GPLD1: variants seen among roughly 807,000 people sequenced by gnomAD.
GPLD1 encodes phosphatidylinositol-glycan-specific phospholipase D.
Under a neutral mutation model 112.6 loss-of-function variants are expected in GPLD1, and 84 were observed. That is an observed-to-expected ratio of 0.75 (90% CI 0.63 to 0.89). GPLD1 has a LOEUF of 0.89. GPLD1 is among the 40% of genes least tolerant of loss of function. GPLD1 has a pLI of 0.00. For synonymous variants in GPLD1, 386 were observed against 403.8 expected, an observed-to-expected ratio of 0.96 and a Z score of 0.53; for missense variants, 1,044 against 1,051.5, an observed-to-expected ratio of 0.99 and a Z score of 0.10.
intron 3 of GPLD1, 73 bp downstream of exon 3, chr6:24,479,808 A>T (rs199784645): frequency 1.6e-5 from 12 of 763,478 alleles, no homozygotes; most frequent in Admixed American, 7.5e-5. Flanking sequence ...ATATATATAT[A>T]TTTTTAAAGT....
intron 12 of GPLD1, among the ~76,000 whole-genome samples, chr6:24,458,739 C>A (rs1409764828): frequency 3.9e-5 from 6 of 151,952 alleles, no homozygotes; most frequent in African/African-American, 1.5e-4. Flanking sequence ...AGTAGCTGGG[C>A]ATGGTGGCGG....
rs191319706 is a variant in GPLD1, at chr6:24,434,607, T to C, written c.2359-1218A>G. 2.4e-4 allele frequency among the ~76,000 whole-genome samples: 36 copies of C among 151,868 alleles called. No individual in the cohort carries two copies. The East Asian group carries it at 7.1e-3, about 30-fold the overall frequency. On this transcript the variant is annotated intron_variant, in intron 22 of 24. Transcript: ENST00000230036. The stretch of plus-strand genomic sequence containing the variant: ...AATTTTTTTATTTTAAGACAGGGTC[T>C]TGGGCGGATCACGAGGTCAGGAGAT...
At chr6:24,460,440 A>T in intron 11 of GPLD1, 41 bp from the exon 12 acceptor site, 6 of 1,604,116 alleles carry the variant, frequency 3.7e-6, no homozygotes, top group Non-Finnish European at 5.1e-6. Flanking sequence ...ACGACTGAGA[A>T]AACAACCCCC....
At chr6:24,439,937 G>A (rs966114722) in intron 20 of GPLD1, among the ~76,000 whole-genome samples, 3 of 152,084 alleles carry the variant, frequency 2.0e-5, no homozygotes, top group Non-Finnish European at 4.4e-5. Context: ...TTTCTGCCAC[G>A]AGCACTAGTC....
chr6:24,433,360 T>TAC lies in GPLD1; in HGVS notation c.2385+1_2385+2dup, dbSNP rs1554128633. 5 of 1,608,840 alleles carry TAC rather than the reference T, an allele frequency of 3.1e-6. No individual in the cohort carries two copies. Among genetic ancestry groups the TAC allele is most frequent in the East Asian group, 4.5e-5 (2 of 44,866 alleles). ...TTTCTTCAGTCTTTCAAGGGATACT[T>TAC]ACTTCAGGAGAAATCAATACATATT... On this transcript the variant is annotated splice_region_variant and intron_variant, in intron 23 of 24. Transcript: ENST00000230036.
intron 13 of GPLD1, among the ~76,000 whole-genome samples, 156 bp downstream of exon 13, chr6:24,456,342 A>G (rs1342538943): frequency 6.6e-6 from 1 of 152,208 alleles, no homozygotes; most frequent in Non-Finnish European, 1.5e-5. Context: ...GGTTGCAGTG[A>G]GCCAAGATCA....
chr6:24,424,439 C>CCCCTG (rs10690086), downstream of GPLD1: 38,815 of 146,962 alleles, frequency 0.26, 5,816 homozygotes, highest in East Asian at 0.62. Flanking sequence ...TTAGATACCA[C>CCCCTG]CCCTGCCCTG....
At position 24,471,556 on chromosome 6, in the gene GPLD1, C is replaced by G. The variant is rs1162935229; in HGVS notation, c.545+1026G>C. Among the ~76,000 whole-genome samples, 5 of 152,102 alleles carry G rather than the reference C, an allele frequency of 3.3e-5. No homozygotes were observed. In the East Asian group the frequency reaches 5.8e-4, roughly 18 times the overall value. Reference sequence around the variant, plus strand: ...AGACTATTGATAAATCATTCTGGGACAATCCATTATCTCCAGAGGAAAAAA... The same window carrying G: ...AGACTATTGATAAATCATTCTGGGAGAATCCATTATCTCCAGAGGAAAAAA... On this transcript the variant is annotated intron_variant, in intron 7 of 24. Transcript: ENST00000230036.
At chr6:24,443,463 T>G (rs1166257132) in intron 20 of GPLD1, among the ~76,000 whole-genome samples, 1 of 152,128 alleles carries the variant, frequency 6.6e-6, no homozygotes, top group Admixed American at 6.6e-5. Context: ...CAAATGCAGT[T>G]TGTCAGTTTG....
At position 24,450,488 on chromosome 6, in the gene GPLD1, G is replaced by A. The variant is rs553425512; in HGVS notation, c.1336-589C>T. Among the ~76,000 whole-genome samples the A allele has an allele frequency of 1.1e-3, 166 of 151,454 alleles. 1 individual carries two copies. Among genetic ancestry groups the A allele is most frequent in the African/African-American group, 3.8e-3 (158 of 41,282 alleles). ...TGCACTCCAGCCTAGGCAACACAGC[G>A]AGACTCCATCTCAAAAAAACAAACA... On this transcript the variant is annotated intron_variant, in intron 14 of 24. Transcript: ENST00000230036.
At chr6:24,436,540 T>C in intron 22 of GPLD1, 36 bp downstream of exon 22, 1 of 1,582,272 alleles carries the variant, frequency 6.3e-7, no homozygotes, top group Non-Finnish European at 8.7e-7. Flanking sequence ...TAGTGATCCT[T>C]TCCCAATAAG....
At chr6:24,451,982 A>AG (rs759791210) in intron 14 of GPLD1, among the ~76,000 whole-genome samples, 6 of 152,234 alleles carry the variant, frequency 3.9e-5, no homozygotes, top group Non-Finnish European at 4.4e-5. Flanking sequence ...ACTTTAAAGC[A>AG]GGCCAGGCCT....
Position 24,481,520 on chromosome 6 carries a change from G to A in GPLD1, c.154-1561C>T, listed in dbSNP as rs79316548. On this transcript the variant is annotated intron_variant, in intron 2 of 24. Transcript: ENST00000230036. The stretch of plus-strand genomic sequence containing the variant: ...TCTAGAGGCAGAATCACCCTCTCCC[G>A]AGGAGAGCCCATTCCACACCGCTCA... Among the ~76,000 whole-genome samples, 360 of 148,236 alleles carry A rather than the reference G, an allele frequency of 2.4e-3. 1 individual carries two copies. The highest frequency in any genetic ancestry group is 8.4e-3 in the African/African-American group (326 of 38,732).
intron 18 of GPLD1, among the ~76,000 whole-genome samples, chr6:24,446,555 A>G (rs1216358357): frequency 6.6e-6 from 1 of 152,178 alleles, no homozygotes; most frequent in Non-Finnish European, 1.5e-5. Context: ...GAAGACAGCC[A>G]TCTGCAAGCC....
At chr6:24,434,730 T>TG (rs1762515677) in intron 22 of GPLD1, among the ~76,000 whole-genome samples, 1 of 147,622 alleles carries the variant, frequency 6.8e-6, no homozygotes, top group Non-Finnish European at 1.5e-5. Context: ...CCCAGCTACT[T>TG]GGGAGGCTGA....
rs1455144119 is a variant in GPLD1 at position 24,438,104 on chromosome 6, G to C, written c.2021-815C>G. Among the ~76,000 whole-genome samples the C allele has an allele frequency of 7.9e-5, 12 of 152,214 alleles. No homozygotes were observed. The South Asian group carries it at 2.5e-3, about 32-fold the overall frequency. ...TTACAGGGGACATGAGCTGTGCCCAGTGCCTTCTGAATACCCACGGCAGGG... is the reference window on the plus strand; with the variant it reads ...TTACAGGGGACATGAGCTGTGCCCACTGCCTTCTGAATACCCACGGCAGGG... On this transcript the variant is annotated intron_variant, in intron 20 of 24. Transcript: ENST00000230036.
chr6:24,467,374 C>A, intron 7 of GPLD1, 100 bp from the exon 8 acceptor site: 7 of 720,174 alleles, frequency 9.7e-6, no homozygotes, highest in South Asian at 9.7e-5. Flanking sequence ...TTATTTTGTG[C>A]CAGGCACCAT....
At chr6:24,459,157 C>T (rs1272805574) in intron 12 of GPLD1, among the ~76,000 whole-genome samples, 1 of 152,206 alleles carries the variant, frequency 6.6e-6, no homozygotes. Context: ...TGATGAAATA[C>T]TATCTACTGT....
intron 7 of GPLD1, among the ~76,000 whole-genome samples, chr6:24,468,181 C>CA (rs1487529561): frequency 1.3e-5 from 2 of 152,206 alleles, no homozygotes; most frequent in African/African-American, 4.8e-5. Context: ...GCTGGGATTA[C>CA]AGGCGTGAGC....
Sources: allele counts gnomAD v4.1 joint callset (sites outside exome capture counted in the v4.1 genomes callset), GRCh38; gene constraint gnomAD v4.1.1; transcripts MANE v1.5; gene names NCBI Gene and HGNC (gene_info 2026-07-23, HGNC 2026-07-21).